ANKRD12: variants seen among roughly 807,000 people sequenced by gnomAD.
The protein encoded by ANKRD12 is ankyrin repeat domain-containing protein 12.
ANKRD12 carries 85 observed loss-of-function variants against 183.4 expected under a neutral mutation model. That is an observed-to-expected ratio of 0.46 (90% CI 0.39 to 0.56). The LOEUF is 0.56. Ranked by LOEUF, ANKRD12 falls within the 20% of genes least tolerant of loss-of-function variation. The pLI, the probability that ANKRD12 is intolerant of heterozygous loss-of-function variation, is 0.00. For synonymous variants in ANKRD12, 914 were observed against 800.2 expected, an observed-to-expected ratio of 1.14 and a Z score of -2.40; for missense variants, 2,405 against 2,357.1, an observed-to-expected ratio of 1.02 and a Z score of -0.42.
intron 1 of ANKRD12, among the ~76,000 whole-genome samples, chr18:9,173,793 A>G (rs1346449768): frequency 6.6e-6 from 1 of 152,084 alleles, no homozygotes; most frequent in Admixed American, 6.5e-5. Flanking sequence ...ATTGGGGGTA[A>G]CCGTTCCTTG....
chr18:9,230,433 A>T (rs2036974200), intron 8 of ANKRD12, among the ~76,000 whole-genome samples: 1 of 151,334 alleles, frequency 6.6e-6, no homozygotes, highest in Non-Finnish European at 1.5e-5. Flanking sequence ...GATCCTTTGC[A>T]TTTTTTTAAG....
intron 1 of ANKRD12, among the ~76,000 whole-genome samples, chr18:9,155,410 T>C (rs2030256709): frequency 6.6e-6 from 1 of 152,242 alleles, no homozygotes; most frequent in South Asian, 2.1e-4. Flanking sequence ...TTGGGCATAC[T>C]AGTAACACTT....
At chr18:9,145,778 T>C (rs8085415) in intron 1 of ANKRD12, among the ~76,000 whole-genome samples, 1,577 of 152,314 alleles carry the variant, frequency 0.01, 22 homozygotes, top group African/African-American at 0.036. Flanking sequence ...ATAATACACA[T>C]TTTCTTAGAA....
At chr18:9,230,954 C>T (rs999607618) in intron 8 of ANKRD12, among the ~76,000 whole-genome samples, 1 of 152,272 alleles carries the variant, frequency 6.6e-6, no homozygotes, top group East Asian at 1.9e-4. Context: ...AGGCGTAAGC[C>T]ACCATGCCTG....
intron 1 of ANKRD12, among the ~76,000 whole-genome samples, chr18:9,155,229 G>GT (rs1376553301): frequency 6.6e-6 from 1 of 152,204 alleles, no homozygotes; most frequent in Non-Finnish European, 1.5e-5. Context: ...TCACAGCAGA[G>GT]TGACTATAGT....
Position 9,256,508 on chromosome 18 carries a change from G to T in ANKRD12, c.3241G>T (p.Glu1081Ter). 6.2e-7 allele frequency: 1 copy of T among 1,610,606 alleles called. No homozygotes were observed. The change falls in exon 9 of 13, where the codon GAA becomes TAA. Residue 1081 changes from glutamate (E) to a stop codon, truncating the protein, a stop_gained. Coordinates refer to ENST00000262126, the MANE Select transcript of ANKRD12 (RefSeq NM_015208.5). LOFTEE classifies it high-confidence loss of function. ...VNDDLMQTSF[E>*]RMLSLKDLEI... The stretch of plus-strand genomic sequence containing the variant: ...TGATGATTTAATGCAGACAAGTTTT[G>T]AACGAATGCTAAGCCTTAAAGACCT...
chr18:9,179,199 T>C (rs1257058986), intron 1 of ANKRD12, among the ~76,000 whole-genome samples: 1 of 152,172 alleles, frequency 6.6e-6, no homozygotes, highest in Non-Finnish European at 1.5e-5. Context: ...TCTACATAGA[T>C]TATCATGGTA....
chr18:9,206,764 A>G (rs185029179), intron 4 of ANKRD12, among the ~76,000 whole-genome samples: 3 of 152,096 alleles, frequency 2.0e-5, no homozygotes, highest in Non-Finnish European at 4.4e-5. Context: ...AATGATGCAT[A>G]TATAAGTATC....
At chr18:9,202,772 G>A (rs1408981224) in intron 3 of ANKRD12, among the ~76,000 whole-genome samples, 2 of 152,086 alleles carry the variant, frequency 1.3e-5, no homozygotes, top group South Asian at 4.1e-4. Flanking sequence ...TTGAGGAAGG[G>A]GACAGGGAAA....
In ANKRD12 at chr18:9,204,464, C is replaced by T. The variant is rs774000988; in HGVS notation, c.236-12C>T. On this transcript the variant is annotated splice_polypyrimidine_tract_variant and intron_variant, in intron 3 of 12. Transcript: ENST00000262126. ...GCTTTTTTCTCTTCTCCTGTCTCTT[C>T]TCATTCTGTAGATTCAGATCCAGGA... 6.3e-7 allele frequency: 1 copy of T among 1,586,038 alleles called. No homozygotes were observed. Among genetic ancestry groups the T allele is most frequent in the African/African-American group, 1.4e-5 (1 of 73,838 alleles).
chr18:9,241,434 C>G (rs1188651251), intron 8 of ANKRD12, among the ~76,000 whole-genome samples: 1 of 152,080 alleles, frequency 6.6e-6, no homozygotes, highest in Non-Finnish European at 1.5e-5. Context: ...AAAAAAATTG[C>G]AATCCATTAG....
At chr18:9,137,362 CGGCTGGCGG>C (rs982183507) in intron 1 of ANKRD12, among the ~76,000 whole-genome samples, 12 of 146,540 alleles carry the variant, frequency 8.2e-5, no homozygotes, top group Non-Finnish European at 1.7e-4. Flanking sequence ...CCCCTCACCG[CGGCTGGCGG>C]GGCTGGGCTG....
At chr18:9,270,429 A>G (rs558801992) in intron 10 of ANKRD12, among the ~76,000 whole-genome samples, 2 of 152,354 alleles carry the variant, frequency 1.3e-5, no homozygotes, top group African/African-American at 2.4e-5. Context: ...AATACTATGC[A>G]GCCATAAAAA....
chr18:9,171,306 C>T (rs866728059), intron 1 of ANKRD12, among the ~76,000 whole-genome samples: 7 of 152,150 alleles, frequency 4.6e-5, no homozygotes, highest in East Asian at 1.9e-4. Context: ...TGTTCCTATT[C>T]GGCCATCTTG....
At chr18:9,201,379 CT>C (rs2035156489) in intron 3 of ANKRD12, among the ~76,000 whole-genome samples, 1 of 152,168 alleles carries the variant, frequency 6.6e-6, no homozygotes, top group South Asian at 2.1e-4. Context: ...AAACAGCTGT[CT>C]TGAGGCTACA....
At chr18:9,152,613 AAT>A (rs1484666165) in intron 1 of ANKRD12, among the ~76,000 whole-genome samples, 1 of 151,604 alleles carries the variant, frequency 6.6e-6, no homozygotes, top group African/African-American at 2.4e-5. Flanking sequence ...TTATTGTAGT[AAT>A]ATATATATAT....
intron 7 of ANKRD12, among the ~76,000 whole-genome samples, chr18:9,218,902 CCTCCTGCCTCAGG>C (rs760846293): frequency 9.2e-5 from 14 of 152,110 alleles, no homozygotes; most frequent in Non-Finnish European, 2.1e-4. Context: ...CTCAAGCGAT[CCTCCTGCCTCAGG>C]CTCCCAAAGC....
intron 6 of ANKRD12, among the ~76,000 whole-genome samples, chr18:9,214,786 G>T (rs1834078224): frequency 6.6e-6 from 1 of 152,156 alleles, no homozygotes; most frequent in South Asian, 2.1e-4. Context: ...AAGGAAATTT[G>T]TGAAGCCATT....
rs544466688 is a variant in ANKRD12 at position 9,257,531 on chromosome 18, C to T, written c.4264C>T (p.Pro1422Ser). ...GVIQNKSWEM[P>S]VDRLETLSTR... ...GATCCAGAATAAATCATGGGAGATG[C>T]CTGTTGATAGACTAGAGACATTAAG... Residue 1422 changes from proline (P) to serine (S), a missense_variant, in exon 9 of 13, where the codon CCT becomes TCT. Coordinates refer to ENST00000262126, the MANE Select transcript of ANKRD12 (RefSeq NM_015208.5). 1.2e-6 allele frequency: 2 copies of T among 1,614,066 alleles called. No homozygotes were observed. The highest frequency in any genetic ancestry group is 8.5e-7 in the Non-Finnish European group (1 of 1,179,984).
Sources: allele counts gnomAD v4.1 joint callset (sites outside exome capture counted in the v4.1 genomes callset), GRCh38; gene constraint gnomAD v4.1.1; transcripts MANE v1.5; gene names NCBI Gene and HGNC (gene_info 2026-07-23, HGNC 2026-07-21).